Variants in SLC14A2 observed in about 807,000 individuals in gnomAD.
SLC14A2 encodes solute carrier family 14 member 2.
Under a neutral mutation model 104.6 loss-of-function variants are expected in SLC14A2, and 91 were observed. The ratio of observed to expected loss-of-function variants is 0.87; its 90% CI spans 0.73 to 1.04. The LOEUF is 1.04. Among genes scored for constraint, SLC14A2 ranks in the 50% least tolerant of loss-of-function variants. SLC14A2 has a pLI of 0.00. For synonymous variants in SLC14A2, 476 were observed against 466.4 expected (o/e 1.02, Z -0.27); for missense variants, 1,189 against 1,156.0 (o/e 1.03, Z -0.41).
chr18:45,555,755 G>A (rs1195237368), intron 2 of SLC14A2, among the ~76,000 whole-genome samples: 6 of 152,210 alleles, frequency 3.9e-5, no homozygotes, highest in Non-Finnish European at 8.8e-5. Flanking sequence ...GTTCCCTCAT[G>A]GAGACAGATC....
At position 45,576,272 on chromosome 18, in the gene SLC14A2, C is replaced by CTTTTTTTT. The variant is rs776335445; in HGVS notation, c.-34-48345_-34-48338dup. On this transcript the variant is annotated intron_variant, in intron 2 of 20. Coordinates refer to the SLC14A2 transcript ENST00000586448. ...GGAGAGAAGGTGGCTGGAGCAGGGG[C>CTTTTTTTT]TTTTTTTTTTTTTTTTTTTTTGAGA... Among the ~76,000 whole-genome samples the CTTTTTTTT allele has an allele frequency of 2.1e-4, 19 of 90,680 alleles. 1 individual carries two copies. Among genetic ancestry groups the CTTTTTTTT allele is most frequent in the South Asian group, 4.6e-4 (1 of 2,154 alleles). 59.5% of individuals were successfully genotyped at this position (90,680 alleles called of 152,430 possible).
chr18:45,541,839 G>C (rs1220169050), intron 2 of SLC14A2, among the ~76,000 whole-genome samples: 1 of 152,030 alleles, frequency 6.6e-6, no homozygotes, highest in South Asian at 2.1e-4. Flanking sequence ...TTTCCAGATG[G>C]GCAGGTGTCA....
chr18:45,614,499 A>T (rs1056621685), upstream of SLC14A2, among the ~76,000 whole-genome samples: 1 of 152,228 alleles, frequency 6.6e-6, no homozygotes, highest in Admixed American at 6.5e-5. Context: ...AGAGCCACAG[A>T]CACTCAACAC....
At chr18:45,576,022 G>C (rs945251554) in intron 2 of SLC14A2, among the ~76,000 whole-genome samples, 1 of 152,140 alleles carries the variant, frequency 6.6e-6, no homozygotes, top group Non-Finnish European at 1.5e-5. Context: ...TGATCTTAAA[G>C]AGTCATAAAT....
At chr18:45,320,842 T>A (rs534748524) in intron 1 of SLC14A2, among the ~76,000 whole-genome samples, 1 of 152,174 alleles carries the variant, frequency 6.6e-6, no homozygotes, top group East Asian at 1.9e-4. Flanking sequence ...CAACACCCAC[T>A]CCTTTTCCAG....
chr18:45,297,751 C>T (rs923206481), intron 1 of SLC14A2, among the ~76,000 whole-genome samples: 2 of 152,104 alleles, frequency 1.3e-5, no homozygotes, highest in African/African-American at 4.8e-5. Flanking sequence ...CCAGAGACAC[C>T]ATTCCCGGCT....
rs74805469 is a variant in SLC14A2, at chr18:45,639,373, G to A, written c.844-373G>A. 8.0e-3 allele frequency among the ~76,000 whole-genome samples: 1,216 copies of A among 152,296 alleles called. 19 individuals are homozygous for A. Among genetic ancestry groups the A allele is most frequent in the African/African-American group, 0.027 (1,123 of 41,546 alleles). ...GCCTACTGTATTTTCAATATTCCTA[G>A]AATATTTGTATGGATTTCAGAAGGT... On this transcript the variant is annotated intron_variant, in intron 6 of 19. Transcript: ENST00000255226.
chr18:45,383,673 TG>T (rs1426949070), intron 1 of SLC14A2, among the ~76,000 whole-genome samples: 8 of 152,202 alleles, frequency 5.3e-5, no homozygotes, highest in African/African-American at 1.7e-4. Context: ...CATATCCTCA[TG>T]ATGCTCTGGA....
intron 14 of SLC14A2, 52 bp downstream of exon 14, chr18:45,668,074 A>G (rs1230869928): frequency 1.3e-6 from 2 of 1,523,184 alleles, no homozygotes; most frequent in Admixed American, 3.4e-5. Flanking sequence ...GTCACTCCCC[A>G]TGGGGACCAT....
chr18:45,189,896 T>C, the SLC14A2 span, among the ~76,000 whole-genome samples: 1 of 152,148 alleles, frequency 6.6e-6, no homozygotes, highest in Non-Finnish European at 1.5e-5. Context: ...AGTCCCATCC[T>C]AGTTTACATT....
At chr18:45,462,969 T>C (rs2087072667) in intron 1 of SLC14A2, among the ~76,000 whole-genome samples, 1 of 152,224 alleles carries the variant, frequency 6.6e-6, no homozygotes, top group Non-Finnish European at 1.5e-5. Flanking sequence ...CGAAATATGC[T>C]GAATGTATGT....
intron 18 of SLC14A2, among the ~76,000 whole-genome samples, chr18:45,676,011 ACTT>A (rs902237593): frequency 2.6e-5 from 4 of 152,096 alleles, no homozygotes; most frequent in African/African-American, 9.7e-5. Flanking sequence ...ATTAACTTTA[ACTT>A]CTTAATAGGC....
At chr18:45,351,354 T>TTTTG (rs1568163244) in intron 1 of SLC14A2, among the ~76,000 whole-genome samples, 4 of 152,208 alleles carry the variant, frequency 2.6e-5, no homozygotes, top group African/African-American at 9.6e-5. Context: ...ATGCACCGTT[T>TTTTG]TTTGTTTGTT....
chr18:45,604,768 T>A (rs1206864866), intron 2 of SLC14A2, among the ~76,000 whole-genome samples: 2 of 152,210 alleles, frequency 1.3e-5, no homozygotes, highest in Non-Finnish European at 2.9e-5. Context: ...GAGGGTCATC[T>A]TTAATGTCAA....
chr18:45,259,596 C>G (rs1338102462), intron 1 of SLC14A2, among the ~76,000 whole-genome samples: 1 of 152,046 alleles, frequency 6.6e-6, no homozygotes, highest in Admixed American at 6.6e-5. Flanking sequence ...AAGAGTGATT[C>G]ATAAATTGAA....
At chr18:45,222,550 A>G (rs2084073246) in intron 1 of SLC14A2, among the ~76,000 whole-genome samples, 1 of 152,124 alleles carries the variant, frequency 6.6e-6, no homozygotes, top group African/African-American at 2.4e-5. Context: ...GACTTTGAGG[A>G]TGGTTGTGAT....
At chr18:45,344,248 T>C (rs1212842074) in intron 1 of SLC14A2, among the ~76,000 whole-genome samples, 1 of 152,136 alleles carries the variant, frequency 6.6e-6, no homozygotes, top group African/African-American at 2.4e-5. Context: ...ACGCCAGTCC[T>C]CCAATACCAC....
chr18:45,380,841 A>T (rs1351436486), intron 1 of SLC14A2, among the ~76,000 whole-genome samples: 1 of 152,218 alleles, frequency 6.6e-6, no homozygotes, highest in Non-Finnish European at 1.5e-5. Flanking sequence ...CTGTTTAACT[A>T]CTTGTTGACC....
At chr18:45,568,012 A>C (rs1372026529) in intron 2 of SLC14A2, among the ~76,000 whole-genome samples, 1 of 152,174 alleles carries the variant, frequency 6.6e-6, no homozygotes, top group Non-Finnish European at 1.5e-5. Context: ...AGTTCACTGC[A>C]ATCAAACCAA....
Sources: gnomAD v4.1 joint callset for allele counts (sites outside exome capture counted in the v4.1 genomes callset) on GRCh38, gnomAD v4.1.1 for gene constraint, MANE v1.5 for transcripts, NCBI Gene and HGNC (gene_info 2026-07-23, HGNC 2026-07-21) for gene names.